The following EXOSC10 variants were observed in gnomAD, a reference collection of about 807,000 sequenced individuals.
EXOSC10 encodes exosome complex component 10.
In EXOSC10, 94 loss-of-function variants were observed where a neutral mutation model predicts 126.6. The ratio of observed to expected loss-of-function variants is 0.74; its 90% CI spans 0.63 to 0.88. The LOEUF is 0.88. EXOSC10 is among the 40% of genes least tolerant of loss of function. EXOSC10 has a pLI of 0.00. For missense variants in EXOSC10, 1,041 were observed against 1,100.5 expected, an observed-to-expected ratio of 0.95 and a Z score of 0.77; for synonymous variants, 395 against 400.8, an observed-to-expected ratio of 0.99 and a Z score of 0.17.
At chr1:11,079,626 T>TC in intron 14 of EXOSC10, 85 bp downstream of exon 14, 1 of 1,153,680 alleles carries the variant, frequency 8.7e-7, no homozygotes, top group Non-Finnish European at 1.3e-6. Flanking sequence ...ACTCCTGACC[T>TC]GAAATGATCC....
intron 21 of EXOSC10, chr1:11,070,671 G>C: frequency 1.9e-6 from 1 of 520,046 alleles, no homozygotes; most frequent in Non-Finnish European, 3.4e-6. Flanking sequence ...GAGTGGTCTG[G>C]CATATTTACC....
At position 11,067,954 on chromosome 1, in the gene EXOSC10, G is replaced by C. The variant is rs917995099; in HGVS notation, c.2627+54C>G. On this transcript the variant is annotated intron_variant, in intron 24 of 24. Coordinates refer to ENST00000376936, the MANE Select transcript of EXOSC10 (RefSeq NM_001001998.3). ...TACTCCCCACGGACCACACCACGCAGGGCAGGTGCTTTCTCACTGGGCTCC... is the reference window on the plus strand; with the variant it reads ...TACTCCCCACGGACCACACCACGCACGGCAGGTGCTTTCTCACTGGGCTCC... 42 of 1,514,090 alleles carry C rather than the reference G, an allele frequency of 2.8e-5. No homozygotes were observed. In the Admixed American group the frequency reaches 6.6e-4, roughly 24 times the overall value. 93.8% of individuals were successfully genotyped at this position (1,514,090 alleles called of 1,614,324 possible). A position where few individuals can be genotyped will look rare whatever the true frequency, so the allele number is the denominator to read the frequency against.
intron 21 of EXOSC10, 149 bp downstream of exon 21, chr1:11,070,751 G>A: frequency 1.5e-6 from 1 of 665,788 alleles, no homozygotes; most frequent in Non-Finnish European, 2.6e-6. Flanking sequence ...AAATGAGGTA[G>A]ACACTAATAG....
chr1:11,097,186 G>A lies in EXOSC10; in HGVS notation c.248+834C>T, dbSNP rs534975221. Among the ~76,000 whole-genome samples the A allele has an allele frequency of 3.3e-3, 498 of 151,828 alleles. 1 individual carries two copies. Among genetic ancestry groups the A allele is most frequent in the Non-Finnish European group, 6.2e-3 (421 of 67,920 alleles). On this transcript the variant is annotated intron_variant, in intron 2 of 24. Transcript: ENST00000376936. ...GATCACGCCACTGCACTTCAGCCTG[G>A]GCGACAGAGCAAGACTCCGTACTCC...
chr1:11,090,621 A>T lies in EXOSC10; in HGVS notation c.691T>A (p.Leu231Met). 1 of 1,614,012 alleles carries T rather than the reference A, an allele frequency of 6.2e-7. No individual in the cohort carries two copies. The highest frequency in any genetic ancestry group is 1.7e-5 in the Admixed American group (1 of 59,986). Residue 231 changes from leucine to methionine, a missense_variant, in exon 6 of 25, where the codon TTG (leucine) becomes ATG (methionine). This residue lies in a region of EXOSC10 where 645 missense variants were observed against 656.3 expected (regional missense o/e 0.98). Coordinates refer to ENST00000376936, the MANE Select transcript of EXOSC10 (RefSeq NM_001001998.3). ...TCAGCCAGTGCAGGGGGGACGTCCA[A>T]GTCCTCAGGACGATCCTGTGGGCGT... is the stretch of plus-strand genomic sequence containing the variant. ...RERPQDRPED[L>M]DVPPALADFI...
rs149201210 is a variant in EXOSC10 at position 11,099,785 on chromosome 1, C to T, written c.47G>A (p.Ser16Asn). 1.7e-5 allele frequency: 28 copies of T among 1,612,018 alleles called. No homozygotes were observed. Among genetic ancestry groups the T allele is most frequent in the African/African-American group, 1.2e-4 (9 of 74,718 alleles). ...CATCTCTCCGTCGGATTTGGTTGCGCTGGTCGCCGACAGGACCCTGGGCTC... is the reference window on the plus strand; with the variant it reads ...CATCTCTCCGTCGGATTTGGTTGCGTTGGTCGCCGACAGGACCCTGGGCTC... ...TREPRVLSAT[S>N]ATKSDGEMVL... is the part of the protein sequence containing the mutation. The change falls in exon 1 of 25, where the codon AGC becomes AAC. Residue 16 changes from serine (S) to asparagine (N), a missense_variant. By Grantham distance (46) the Ser-to-Asn change is conservative. This residue lies in a region of EXOSC10 where 645 missense variants were observed against 656.3 expected (regional missense o/e 0.98). Transcript: ENST00000376936.
intron 9 of EXOSC10, among the ~76,000 whole-genome samples, chr1:11,083,860 G>A (rs1425947471): frequency 6.6e-6 from 1 of 151,556 alleles, no homozygotes; most frequent in Non-Finnish European, 1.5e-5. Flanking sequence ...TCCCACCTAT[G>A]AGTGAGAATA....
intron 12 of EXOSC10, 72 bp downstream of exon 12, chr1:11,080,692 A>G: frequency 6.2e-7 from 1 of 1,600,978 alleles, no homozygotes; most frequent in Non-Finnish European, 8.5e-7. Flanking sequence ...AAAAGAAAAA[A>G]GCCCATTATT....
chr1:11,082,327 GCACACA>G (rs151047804), intron 10 of EXOSC10, among the ~76,000 whole-genome samples: 1 of 149,392 alleles, frequency 6.7e-6, no homozygotes, highest in South Asian at 2.1e-4. Flanking sequence ...AGGTCATCTT[GCACACA>G]CACACACACA....
At chr1:11,083,562 CAA>C (rs35412224) in intron 9 of EXOSC10, among the ~76,000 whole-genome samples, 966 of 65,830 alleles carry the variant, frequency 0.015, 10 homozygotes, top group African/African-American at 0.051. Context: ...AACTCCGTCT[CAA>C]AAAAAAAAAA....
intron 13 of EXOSC10, 84 bp downstream of exon 13, chr1:11,080,415 T>A: frequency 1.3e-6 from 2 of 1,530,674 alleles, no homozygotes; most frequent in Admixed American, 3.5e-5. Context: ...CAGCCTTGGG[T>A]AATAGCAACC....
chr1:11,072,745 G>C (rs1252356448), intron 19 of EXOSC10: 1 of 152,450 alleles, frequency 6.6e-6, no homozygotes, highest in Middle Eastern at 3.2e-3. Context: ...GACAGGAACG[G>C]GGCTGGGGGA....
intron 9 of EXOSC10, among the ~76,000 whole-genome samples, chr1:11,084,933 G>A (rs1326265691): frequency 1.3e-5 from 2 of 152,180 alleles, no homozygotes; most frequent in Non-Finnish European, 2.9e-5. Flanking sequence ...AGATCAGATA[G>A]TTGTAGATAT....
chr1:11,098,112 GC>G lies in EXOSC10; in HGVS notation c.155del (p.Gly52AlafsTer33). On this transcript the variant is annotated frameshift_variant, in exon 2 of 25. Coordinates refer to ENST00000376936, the MANE Select transcript of EXOSC10 (RefSeq NM_001001998.3). LOFTEE classifies it high-confidence loss of function. Reference sequence around the variant, plus strand: ...CATACTCATCGCCAAACTGTGGTAGGCCCCCAGATGCCTTGGTGACTGCCAC... The same window carrying G: ...CATACTCATCGCCAAACTGTGGTAGGCCCCAGATGCCTTGGTGACTGCCAC... ...SVVAVTKASG[G>X]LPQFGDEYDF... 3 of 1,612,178 alleles carry G rather than the reference GC, an allele frequency of 1.9e-6. No individual in the cohort carries two copies. Among genetic ancestry groups the G allele is most frequent in the South Asian group, 1.1e-5 (1 of 90,544 alleles).
At chr1:11,098,932 G>C (rs1641267396) in intron 1 of EXOSC10, among the ~76,000 whole-genome samples, 1 of 152,230 alleles carries the variant, frequency 6.6e-6, no homozygotes, top group African/African-American at 2.4e-5. Context: ...TTAAGTCACG[G>C]AGGGGAACAT....
intron 6 of EXOSC10, among the ~76,000 whole-genome samples, chr1:11,089,436 CCT>C (rs941810956): frequency 5.3e-5 from 8 of 150,404 alleles, no homozygotes; most frequent in African/African-American, 2.0e-4. Context: ...ATGATGAAAC[CCT>C]GTCTCTACTA....
intron 14 of EXOSC10, among the ~76,000 whole-genome samples, chr1:11,078,889 T>C (rs934031653): frequency 1.1e-4 from 16 of 152,036 alleles, no homozygotes; most frequent in Admixed American, 2.0e-4. Flanking sequence ...GAGTCTTAGC[T>C]CTCAACTATC....
intron 24 of EXOSC10, 43 bp from the exon 25 acceptor site, chr1:11,066,791 T>A (rs41274502): frequency 6.2e-7 from 1 of 1,608,584 alleles, no homozygotes; most frequent in African/African-American, 1.3e-5. Context: ...TCCGGGCTGG[T>A]TGGATGTTCT....
intron 9 of EXOSC10, among the ~76,000 whole-genome samples, chr1:11,083,601 GTTTT>G (rs1274347978): frequency 6.9e-6 from 1 of 145,532 alleles, no homozygotes; most frequent in African/African-American, 2.6e-5. Flanking sequence ...TATATGCAGG[GTTTT>G]TTTTAAGTTA....
Sources: gnomAD v4.1 joint callset for allele counts (sites outside exome capture counted in the v4.1 genomes callset) on GRCh38, gnomAD v4.1.1 for gene constraint, gnomAD v4.1.1 regional missense constraint, MANE v1.5 for transcripts, NCBI Gene and HGNC (gene_info 2026-07-23, HGNC 2026-07-21) for gene names.